SOX5: variants seen among roughly 807,000 people sequenced by gnomAD.
SOX5 encodes the protein transcription factor SOX-5.
A neutral mutation model predicts 92.0 loss-of-function variants in SOX5; 9 were observed. The ratio of observed to expected loss-of-function variants is 0.10; its 90% confidence interval spans 0.06 to 0.17. The LOEUF is 0.17. SOX5 is among the 10% of genes least tolerant of loss of function. The pLI is 1.00. For synonymous variants in SOX5, 344 were observed against 336.3 expected, an observed-to-expected ratio of 1.02 and a Z score of -0.25; for missense variants, 642 against 944.5, an observed-to-expected ratio of 0.68 and a Z score of 4.20.
At chr12:23,534,954 C>T (rs569530957) in intron 14 of SOX5, among the ~76,000 whole-genome samples, 3 of 152,108 alleles carry the variant, frequency 2.0e-5, no homozygotes, top group Non-Finnish European at 4.4e-5. Flanking sequence ...AGGTGATCCA[C>T]CTGCCTCGGC....
chr12:23,716,592 C>T (rs942883774), intron 6 of SOX5, among the ~76,000 whole-genome samples: 6 of 152,086 alleles, frequency 3.9e-5, no homozygotes, highest in African/African-American at 1.2e-4. Flanking sequence ...GGATGTTGAT[C>T]ACTAAAATTT....
intron 4 of SOX5, among the ~76,000 whole-genome samples, chr12:24,150,337 G>A (rs1227009240): frequency 1.3e-5 from 2 of 152,122 alleles, no homozygotes; most frequent in Admixed American, 1.3e-4. Flanking sequence ...AGTCTTACAA[G>A]GATGTAGACT....
chr12:24,462,176 T>C (rs975050003), intron 1 of SOX5, among the ~76,000 whole-genome samples: 6 of 152,218 alleles, frequency 3.9e-5, no homozygotes, highest in African/African-American at 1.4e-4. Flanking sequence ...CTAAGCTATA[T>C]GGCGCAGCCT....
At chr12:24,373,517 G>A (rs1956949677) in intron 1 of SOX5, among the ~76,000 whole-genome samples, 1 of 152,118 alleles carries the variant, frequency 6.6e-6, no homozygotes. Flanking sequence ...CTGGGTTGAA[G>A]CTGTATTTTT....
chr12:23,749,665 TA>T (rs2094122532), intron 4 of SOX5, among the ~76,000 whole-genome samples: 1 of 151,966 alleles, frequency 6.6e-6, no homozygotes, highest in Non-Finnish European at 1.5e-5. Flanking sequence ...TATTGCTCTA[TA>T]AAACATATTA....
Position 24,393,773 on chromosome 12 carries a change from A to G in SOX5, c.-250-25134T>C, listed in dbSNP as rs577264029. Reference sequence around the variant, plus strand: ...GGGGATGAAAGAAACTTTGTTTCCCATCTTCAAAGAAGTGGGGAAATTTAA... The same window carrying G: ...GGGGATGAAAGAAACTTTGTTTCCCGTCTTCAAAGAAGTGGGGAAATTTAA... On this transcript the variant is annotated intron_variant, in intron 1 of 4. Coordinates refer to the SOX5 transcript ENST00000446891. This position sits in a 1 kb window ranked among gnomAD's most constrained non-coding sequence, Gnocchi z 5.0. Among the ~76,000 whole-genome samples, 5 of 152,332 alleles carry G rather than the reference A, an allele frequency of 3.3e-5. No homozygotes were observed. The South Asian group carries it at 1.0e-3, about 32-fold the overall frequency.
chr12:24,366,450 T>C (rs1464942475), intron 2 of SOX5, among the ~76,000 whole-genome samples: 1 of 152,126 alleles, frequency 6.6e-6, no homozygotes, highest in African/African-American at 2.4e-5. Flanking sequence ...TGAGAGGATG[T>C]TACAGTTGAA....
At chr12:24,100,285 C>G (rs1367197249) in intron 4 of SOX5, among the ~76,000 whole-genome samples, 1 of 152,140 alleles carries the variant, frequency 6.6e-6, no homozygotes, top group Non-Finnish European at 1.5e-5. Context: ...CTCACTTTCT[C>G]CACTTCCAAA....
At chr12:24,171,138 A>T (rs1483054425) in intron 4 of SOX5, among the ~76,000 whole-genome samples, 670 of 84,958 alleles carry the variant, frequency 7.9e-3, no homozygotes, top group African/African-American at 0.011. Flanking sequence ...CCCAAGATCT[A>T]TTTTTTTTTT....
intron 1 of SOX5, among the ~76,000 whole-genome samples, chr12:24,490,457 T>C (rs866158479): frequency 2.6e-5 from 4 of 152,334 alleles, no homozygotes; most frequent in Middle Eastern, 3.4e-3. Context: ...TACTCTTTTT[T>C]ACAAAGCATT....
intron 11 of SOX5, among the ~76,000 whole-genome samples, chr12:23,554,878 A>T (rs1245497682): frequency 1.3e-5 from 2 of 152,108 alleles, no homozygotes; most frequent in African/African-American, 2.4e-5. Flanking sequence ...TGCAAAACAA[A>T]CTTCTCCTTT....
chr12:23,594,076 T>C (rs1951987957), intron 9 of SOX5, among the ~76,000 whole-genome samples: 1 of 152,214 alleles, frequency 6.6e-6, no homozygotes, highest in African/African-American at 2.4e-5. Flanking sequence ...GTAATAGTGT[T>C]AGTGTCAAAA....
At chr12:24,508,119 G>C (rs1948974736) in intron 1 of SOX5, among the ~76,000 whole-genome samples, 3 of 152,076 alleles carry the variant, frequency 2.0e-5, no homozygotes, top group Admixed American at 1.3e-4. Context: ...ACTTTACCCT[G>C]TAGGATATGG....
chr12:23,949,692 A>G, upstream of SOX5: 1 of 1,586,352 alleles, frequency 6.3e-7, no homozygotes, highest in Non-Finnish European at 8.6e-7. Context: ...TTCTAAACCA[A>G]TTGATTTTCT....
intron 1 of SOX5, among the ~76,000 whole-genome samples, chr12:23,927,323 C>T (rs928166575): frequency 2.0e-5 from 3 of 152,142 alleles, no homozygotes; most frequent in South Asian, 2.1e-4. Flanking sequence ...GTGAAGAATT[C>T]ATACCATTTT....
chr12:24,432,363 C>T (rs1163905475), intron 1 of SOX5, among the ~76,000 whole-genome samples: 1 of 152,178 alleles, frequency 6.6e-6, no homozygotes, highest in East Asian at 1.9e-4. Flanking sequence ...AGCACAGTGA[C>T]TGTCACGTGA....
chr12:24,388,613 G>A (rs1044667214), intron 1 of SOX5, among the ~76,000 whole-genome samples: 1 of 152,030 alleles, frequency 6.6e-6, no homozygotes, highest in Non-Finnish European at 1.5e-5. Flanking sequence ...CAACTTTTTT[G>A]AGATGTTTAT....
At chr12:24,506,402 T>C (rs1226741633) in intron 1 of SOX5, among the ~76,000 whole-genome samples, 2 of 116,362 alleles carry the variant, frequency 1.7e-5, no homozygotes, top group Non-Finnish European at 3.4e-5. Context: ...GGCACATAAA[T>C]TTACAAAAAA....
intron 1 of SOX5, among the ~76,000 whole-genome samples, chr12:24,409,771 C>T (rs74907279): frequency 0.023 from 3,486 of 152,252 alleles, 63 homozygotes; most frequent in Admixed American, 0.046. Flanking sequence ...CATCTTTTTA[C>T]GTGCTTAGCT....
Sources: gnomAD v4.1 joint callset for allele counts (sites outside exome capture counted in the v4.1 genomes callset) on GRCh38, gnomAD v4.1.1 for gene constraint, Gnocchi (gnomAD v3.1) non-coding constraint, MANE v1.5 for transcripts, NCBI Gene and HGNC (gene_info 2026-07-23, HGNC 2026-07-21) for gene names.